Variants in SORCS2 observed in about 807,000 individuals in gnomAD.
SORCS2 encodes VPS10 domain-containing receptor SorCS2.
In SORCS2, 100 loss-of-function variants were observed where a neutral mutation model predicts 141.6. That is an observed-to-expected ratio of 0.71 (90% CI 0.60 to 0.83). The LOEUF is 0.83. SORCS2 is among the 40% of genes least tolerant of loss of function. The probability of loss-of-function intolerance (pLI) is 0.00; values close to 1 mark genes in which losing one functional copy is unlikely to be tolerated. For missense variants in SORCS2, 1,646 were observed against 1,560.2 expected (o/e 1.05, Z -0.93); for synonymous variants, 789 against 676.9 (o/e 1.17, Z -2.57).
In SORCS2 at chr4:7,372,746, C is replaced by T. The variant is rs531169057; in HGVS notation, c.481-23542C>T. ...CCTGTGCCCTTTGTGGTCAACGCCC[C>T]CACCCCCAAGCCCTGGACCCCCTGA... On this transcript the variant is annotated intron_variant, in intron 1 of 26. Transcript: ENST00000507866. Among the ~76,000 whole-genome samples the T allele has an allele frequency of 2.6e-5, 4 of 152,298 alleles. No homozygotes were observed. In the South Asian group the frequency reaches 8.3e-4, roughly 32 times the overall value.
intron 2 of SORCS2, among the ~76,000 whole-genome samples, chr4:7,507,374 C>T (rs1054963865): frequency 1.3e-5 from 2 of 152,056 alleles, no homozygotes; most frequent in Admixed American, 6.6e-5. Flanking sequence ...AGGGTTTCAC[C>T]GTGTTAGCCA....
intron 1 of SORCS2, among the ~76,000 whole-genome samples, chr4:7,232,340 C>T (rs1489938372): frequency 6.6e-6 from 1 of 152,184 alleles, no homozygotes; most frequent in Non-Finnish European, 1.5e-5. Flanking sequence ...CAGCCCAGTG[C>T]CTGTTCCCTG....
intron 4 of SORCS2, among the ~76,000 whole-genome samples, chr4:7,639,573 ATG>A (rs1292665333): frequency 6.8e-6 from 1 of 147,994 alleles, no homozygotes; most frequent in South Asian, 2.2e-4. Flanking sequence ...GTGCATGTGA[ATG>A]TGTGTGGGAA....
chr4:7,531,667 C>T (rs763643246), intron 3 of SORCS2, 38 bp downstream of exon 3: 22 of 1,573,252 alleles, frequency 1.4e-5, no homozygotes, highest in South Asian at 3.4e-5. Flanking sequence ...CTCTGGCTCT[C>T]GCCTTGTGCC....
intron 13 of SORCS2, 128 bp from the exon 14 acceptor site, chr4:7,704,049 G>A (rs183739123): frequency 1.1e-5 from 8 of 730,572 alleles, no homozygotes; most frequent in South Asian, 4.6e-5. Flanking sequence ...AGCAGATGTG[G>A]TATCACCTGC....
At chr4:7,584,425 A>C (rs1163072134) in intron 3 of SORCS2, among the ~76,000 whole-genome samples, 1 of 152,214 alleles carries the variant, frequency 6.6e-6, no homozygotes, top group Non-Finnish European at 1.5e-5. Context: ...CTGAAGGCAC[A>C]GATACTCAGT....
At chr4:7,544,923 C>G (rs1713126276) in intron 3 of SORCS2, among the ~76,000 whole-genome samples, 1 of 152,182 alleles carries the variant, frequency 6.6e-6, no homozygotes, top group Non-Finnish European at 1.5e-5. Flanking sequence ...GGAAACAGAG[C>G]TGGGGCTAAA....
chr4:7,361,515 G>A (rs11736324), intron 1 of SORCS2, among the ~76,000 whole-genome samples: 1 of 152,068 alleles, frequency 6.6e-6, no homozygotes, highest in East Asian at 1.9e-4. Flanking sequence ...TGGGCCGCCT[G>A]ACATGGGCTG....
intron 18 of SORCS2, among the ~76,000 whole-genome samples, chr4:7,721,812 C>G (rs540730132): frequency 7.2e-5 from 11 of 152,178 alleles, no homozygotes; most frequent in African/African-American, 2.6e-4. Flanking sequence ...TGGGGAGAGC[C>G]GGGTACGGGG....
chr4:7,640,823 C>G (rs1238307468), intron 4 of SORCS2, among the ~76,000 whole-genome samples: 1 of 152,082 alleles, frequency 6.6e-6, no homozygotes, highest in Non-Finnish European at 1.5e-5. Context: ...AGCAACTGAG[C>G]CAAACTGTGG....
chr4:7,539,671 A>AAGGCCCCGACCCCCGTTATGG (rs1560368728), intron 3 of SORCS2, among the ~76,000 whole-genome samples: 17 of 74,910 alleles, frequency 2.3e-4, no homozygotes, highest in Non-Finnish European at 5.9e-4. Context: ...TCCCAGCTGC[A>AAGGCCCCGACCCCCGTTATGG]AGGCCCCGAC....
At chr4:7,199,925 G>A (rs569096561) in intron 1 of SORCS2, among the ~76,000 whole-genome samples, 1 of 152,052 alleles carries the variant, frequency 6.6e-6, no homozygotes, top group South Asian at 2.1e-4. Context: ...CTGAGGGACC[G>A]ACACTCCCGG....
chr4:7,598,737 G>A (rs1242468688), intron 3 of SORCS2, among the ~76,000 whole-genome samples: 1 of 152,178 alleles, frequency 6.6e-6, no homozygotes, highest in African/African-American at 2.4e-5. Context: ...TCTTCCAATA[G>A]ACATAATATT....
intron 10 of SORCS2, among the ~76,000 whole-genome samples, chr4:7,683,306 C>T (rs992648147): frequency 6.7e-6 from 1 of 149,214 alleles, no homozygotes; most frequent in Non-Finnish European, 1.5e-5. Flanking sequence ...TGGCTGGGCT[C>T]AGCTGAGTGG....
chr4:7,437,633 T>A (rs1727394599), intron 2 of SORCS2, among the ~76,000 whole-genome samples: 1 of 152,182 alleles, frequency 6.6e-6, no homozygotes, highest in African/African-American at 2.4e-5. Context: ...GGGGTCATTA[T>A]GAATAACGAA....
At chr4:7,533,858 C>T (rs1711868603) in intron 3 of SORCS2, among the ~76,000 whole-genome samples, 1 of 152,196 alleles carries the variant, frequency 6.6e-6, no homozygotes, top group African/African-American at 2.4e-5. Flanking sequence ...TGAGATGATA[C>T]ATAGAATGCA....
intron 1 of SORCS2, among the ~76,000 whole-genome samples, chr4:7,351,669 C>T (rs1187662795): frequency 2.0e-5 from 3 of 151,644 alleles, no homozygotes; most frequent in East Asian, 1.9e-4. Flanking sequence ...CCTTCCTCTC[C>T]CTCTCTTCCA....
Position 7,334,357 on chromosome 4 carries a change from G to T in SORCS2, c.481-61931G>T, listed in dbSNP as rs182362939. Among the ~76,000 whole-genome samples, 5 of 151,796 alleles carry T rather than the reference G, an allele frequency of 3.3e-5. No individual in the cohort carries two copies. The East Asian group carries it at 9.7e-4, about 30-fold the overall frequency. On this transcript the variant is annotated intron_variant, in intron 1 of 26. Transcript: ENST00000507866. The stretch of plus-strand genomic sequence containing the variant: ...CTGGCGCTCCCCTACACTCCTCCCT[G>T]TCCCCCTGGTCAGTCCTCTCACCCG...
chr4:7,666,806 C>A (rs1179444900), intron 7 of SORCS2, among the ~76,000 whole-genome samples: 1 of 152,154 alleles, frequency 6.6e-6, no homozygotes, highest in African/African-American at 2.4e-5. Flanking sequence ...ACGAGCGCAT[C>A]TTTGGCCTGT....
Sources: gnomAD v4.1 joint callset for allele counts (sites outside exome capture counted in the v4.1 genomes callset) on GRCh38, gnomAD v4.1.1 for gene constraint, MANE v1.5 for transcripts, NCBI Gene and HGNC (gene_info 2026-07-23, HGNC 2026-07-21) for gene names.